PDLIM5: variants seen among roughly 807,000 people sequenced by gnomAD.
PDLIM5 encodes PDZ and LIM domain 5.
In PDLIM5, 34 loss-of-function variants were observed where a neutral mutation model predicts 64.2. The observed-to-expected ratio is 0.53, with a 90% confidence interval of 0.40 to 0.71. The LOEUF is 0.71. PDLIM5 is among the 30% of genes least tolerant of loss of function. The pLI, the probability that PDLIM5 is intolerant of heterozygous loss-of-function variation, is 0.00. For synonymous variants in PDLIM5, 253 were observed against 269.1 expected (o/e 0.94, Z 0.59); for missense variants, 683 against 733.6 (o/e 0.93, Z 0.80).
intron 3 of PDLIM5, among the ~76,000 whole-genome samples, chr4:94,553,221 G>C (rs1001670245): frequency 6.6e-6 from 1 of 152,058 alleles, no homozygotes; most frequent in African/African-American, 2.4e-5. Flanking sequence ...CAATTCTCCA[G>C]CCACAGCCTC....
chr4:94,452,334 G>C (rs1467137283), intron 1 of PDLIM5, among the ~76,000 whole-genome samples: 1 of 152,160 alleles, frequency 6.6e-6, no homozygotes. Flanking sequence ...CGGCAGGGAC[G>C]GGCACTGCCG....
intron 2 of PDLIM5, among the ~76,000 whole-genome samples, chr4:94,488,401 A>G (rs529641989): frequency 6.6e-6 from 1 of 152,194 alleles, no homozygotes; most frequent in Non-Finnish European, 1.5e-5. Context: ...CTCCTTTCAT[A>G]GGTGTTAACT....
chr4:94,606,398 C>T (rs1320748026), intron 7 of PDLIM5, among the ~76,000 whole-genome samples: 1 of 152,050 alleles, frequency 6.6e-6, no homozygotes, highest in Non-Finnish European at 1.5e-5. Context: ...TAAACTGAGG[C>T]CAGAAGGATG....
chr4:94,593,170 A>G (rs1252064247), intron 7 of PDLIM5, among the ~76,000 whole-genome samples: 1 of 152,214 alleles, frequency 6.6e-6, no homozygotes, highest in African/African-American at 2.4e-5. Context: ...AAGGCATTCT[A>G]GTAGTCATCG....
intron 9 of PDLIM5, among the ~76,000 whole-genome samples, chr4:94,648,646 C>G (rs1272419081): frequency 1.3e-5 from 2 of 152,156 alleles, no homozygotes; most frequent in East Asian, 3.9e-4. Flanking sequence ...TAGCTGAGTA[C>G]CCTGCTCAGA....
chr4:94,643,072 T>C (rs1741133503), intron 9 of PDLIM5, among the ~76,000 whole-genome samples: 1 of 152,182 alleles, frequency 6.6e-6, no homozygotes, highest in Non-Finnish European at 1.5e-5. Flanking sequence ...ATTTATTTTT[T>C]TTTTTTCAGC....
At chr4:94,463,875 A>G (rs150013044) in intron 2 of PDLIM5, among the ~76,000 whole-genome samples, 103 of 152,310 alleles carry the variant, frequency 6.8e-4, no homozygotes, top group Admixed American at 9.1e-4. Context: ...ATCAACCTTT[A>G]TTAGCTAATG....
At chr4:94,454,325 G>GTTT (rs775434642) in intron 1 of PDLIM5, among the ~76,000 whole-genome samples, 1 of 121,914 alleles carries the variant, frequency 8.2e-6, no homozygotes, top group Non-Finnish European at 1.8e-5. Context: ...GAAACTCGAA[G>GTTT]TTTTTTTTTT....
chr4:94,481,245 G>A (rs1284606227), intron 2 of PDLIM5, among the ~76,000 whole-genome samples: 1 of 150,396 alleles, frequency 6.6e-6, no homozygotes, highest in Non-Finnish European at 1.5e-5. Context: ...TAATTTTTGT[G>A]TGGGGTTGCT....
In PDLIM5 at chr4:94,573,319, T is replaced by A. The variant is rs746585801; in HGVS notation, c.249-32T>A. On this transcript the variant is annotated intron_variant, in intron 3 of 12. Coordinates refer to ENST00000317968, the MANE Select transcript of PDLIM5 (RefSeq NM_006457.5). ...TGCAAGTTTATAAAAATTCATTATT[T>A]TTTTTTTCTTTTTCTTTCTTTTTTT... 3.7e-5 allele frequency: 58 copies of A among 1,584,496 alleles called. No homozygotes were observed. The Middle Eastern group carries it at 1.0e-3, about 27-fold the overall frequency.
At chr4:94,528,206 G>A (rs1730544655) in intron 3 of PDLIM5, among the ~76,000 whole-genome samples, 1 of 152,102 alleles carries the variant, frequency 6.6e-6, no homozygotes, top group Non-Finnish European at 1.5e-5. Context: ...TTCACTGCCA[G>A]TGCATGCCTT....
chr4:94,455,916 C>T, intron 2 of PDLIM5: 8 of 1,457,502 alleles, frequency 5.5e-6, no homozygotes, highest in South Asian at 2.5e-5. Context: ...ACTAGATAGC[C>T]TATGAATAAT....
intron 2 of PDLIM5, among the ~76,000 whole-genome samples, chr4:94,458,097 A>G (rs938520866): frequency 5.3e-5 from 8 of 152,184 alleles, no homozygotes; most frequent in South Asian, 2.1e-4. Flanking sequence ...GCCTAGTAAC[A>G]TTGCCTAATA....
intron 3 of PDLIM5, among the ~76,000 whole-genome samples, chr4:94,526,235 A>T (rs947605990): frequency 6.6e-6 from 1 of 152,212 alleles, no homozygotes; most frequent in Non-Finnish European, 1.5e-5. Context: ...TCTGAGCCCC[A>T]TAAGAGTAGA....
rs1447299471 is a variant in PDLIM5 at position 94,528,203 on chromosome 4, C to T, written c.248+4328C>T. Among the ~76,000 whole-genome samples, 3 of 152,162 alleles carry T rather than the reference C, an allele frequency of 2.0e-5. No homozygotes were observed. In the East Asian group the frequency reaches 5.8e-4, roughly 29 times the overall value. On this transcript the variant is annotated intron_variant, in intron 3 of 12. Coordinates refer to ENST00000317968, the MANE Select transcript of PDLIM5 (RefSeq NM_006457.5). ...TGAAATGCCCACCACCTGTTCACTG[C>T]CAGTGCATGCCTTCACATCCACTAA...
chr4:94,508,092 CT>C lies in PDLIM5; in HGVS notation c.97-15630del, dbSNP rs143215097. 5.7e-3 allele frequency among the ~76,000 whole-genome samples: 857 copies of C among 151,646 alleles called. 1 individual carries two copies. Among genetic ancestry groups the C allele is most frequent in the Middle Eastern group, 0.031 (9 of 294 alleles). ...CAGTGTTGCTTCAGTTTATTTTACT[CT>C]TAGTTTTAAAAAAGAAAAAGAAAAA... On this transcript the variant is annotated intron_variant, in intron 2 of 12. Coordinates refer to ENST00000317968, the MANE Select transcript of PDLIM5 (RefSeq NM_006457.5).
At chr4:94,456,048 T>C (rs1723318212) in intron 2 of PDLIM5, 4 of 1,302,006 alleles carry the variant, frequency 3.1e-6, no homozygotes, top group African/African-American at 1.5e-5. Flanking sequence ...AAAGCTTCTA[T>C]TTATTGAGAC....
Position 94,640,397 on chromosome 4 carries a change from C to T in PDLIM5, c.1230C>T (p.His410=), listed in dbSNP as rs1740903480. 1.2e-6 allele frequency: 2 copies of T among 1,611,936 alleles called. No homozygotes were observed. The highest frequency in any genetic ancestry group is 8.5e-7 in the Non-Finnish European group (1 of 1,178,780). The part of the protein sequence containing the change: ...DQDTLVQRAE[H]IPAGKRTPMC... ...ACACTTTAGTGCAAAGAGCTGAGCA[C>T]ATTCCAGCAGGGAAACGAACTCCGA... Residue 410 remains histidine (H), a synonymous_variant, in exon 9 of 13, where the codon CAC becomes CAT. Coordinates refer to ENST00000317968, the MANE Select transcript of PDLIM5 (RefSeq NM_006457.5).
In PDLIM5 at chr4:94,490,806, A is replaced by T. The variant is rs531973906; in HGVS notation, c.97-32918A>T. ...ATAATACTTTTAAATGACAATTTTT[A>T]TAAATTGCAATGATAAGTAATTCAA... On this transcript the variant is annotated intron_variant, in intron 2 of 12. Coordinates refer to ENST00000317968, the MANE Select transcript of PDLIM5 (RefSeq NM_006457.5). Among the ~76,000 whole-genome samples, 4 of 152,326 alleles carry T rather than the reference A, an allele frequency of 2.6e-5. No individual in the cohort carries two copies. The South Asian group carries it at 8.3e-4, about 32-fold the overall frequency.
Sources: allele counts gnomAD v4.1 joint callset (sites outside exome capture counted in the v4.1 genomes callset), GRCh38; gene constraint gnomAD v4.1.1; transcripts MANE v1.5; gene names NCBI Gene and HGNC (gene_info 2026-07-23, HGNC 2026-07-21).